The following BMPR1B variants were observed in gnomAD, a reference collection of about 807,000 sequenced individuals.
BMPR1B encodes the protein bone morphogenetic protein receptor type 1B.
BMPR1B carries 12 observed loss-of-function variants against 59.1 expected under a neutral mutation model. The observed-to-expected ratio is 0.20, with a 90% CI of 0.13 to 0.33. BMPR1B has a LOEUF of 0.33. BMPR1B is among the 10% of genes least tolerant of loss of function. The pLI is 1.00. For synonymous variants in BMPR1B, 237 were observed against 207.3 expected, an observed-to-expected ratio of 1.14 and a Z score of -1.23; for missense variants, 550 against 610.9, an observed-to-expected ratio of 0.90 and a Z score of 1.05.
At chr4:95,004,318 T>G (rs920069005) in intron 3 of BMPR1B, among the ~76,000 whole-genome samples, 1 of 152,214 alleles carries the variant, frequency 6.6e-6, no homozygotes, top group African/African-American at 2.4e-5. Flanking sequence ...TGTTGATACA[T>G]TGGTATGTCT....
intron 5 of BMPR1B, 91 bp downstream of exon 5, chr4:95,114,913 C>A (rs1731905251): frequency 3.9e-6 from 5 of 1,281,344 alleles, no homozygotes; most frequent in Non-Finnish European, 5.7e-6. Flanking sequence ...TCTTGGCCAG[C>A]CCATTTTTAG....
At chr4:94,933,833 G>T (rs917652205) in intron 2 of BMPR1B, among the ~76,000 whole-genome samples, 1 of 152,080 alleles carries the variant, frequency 6.6e-6, no homozygotes, top group Non-Finnish European at 1.5e-5. Context: ...ACACTTCTGG[G>T]TCAGTGATGC....
chr4:95,065,241 T>C (rs1254919298), intron 3 of BMPR1B, among the ~76,000 whole-genome samples: 2 of 152,160 alleles, frequency 1.3e-5, no homozygotes, highest in Admixed American at 6.6e-5. Flanking sequence ...AGAAACCAGA[T>C]ACAAAGACCA....
At chr4:94,857,984 C>T (rs568466700) in intron 1 of BMPR1B, among the ~76,000 whole-genome samples, 58 of 152,218 alleles carry the variant, frequency 3.8e-4, no homozygotes, top group African/African-American at 1.1e-3. Context: ...CTCGCTCTGT[C>T]GCCCAGGCTG....
intron 2 of BMPR1B, among the ~76,000 whole-genome samples, chr4:94,954,525 C>T (rs1560565679): frequency 6.6e-6 from 1 of 152,170 alleles, no homozygotes; most frequent in African/African-American, 2.4e-5. Context: ...AATGCACAAC[C>T]ACCTTTGCAG....
At chr4:94,919,141 A>G (rs1268381805) in intron 2 of BMPR1B, among the ~76,000 whole-genome samples, 1 of 152,092 alleles carries the variant, frequency 6.6e-6, no homozygotes, top group Admixed American at 6.6e-5. Context: ...CTCTTTCAAC[A>G]TGGCTGTACC....
chr4:94,946,296 T>C (rs971477028), intron 2 of BMPR1B, among the ~76,000 whole-genome samples: 1 of 152,224 alleles, frequency 6.6e-6, no homozygotes, highest in Non-Finnish European at 1.5e-5. Context: ...GTATTCGTTT[T>C]TCTTTCTTAA....
chr4:94,830,696 A>G (rs972494052), intron 1 of BMPR1B, among the ~76,000 whole-genome samples: 1 of 152,242 alleles, frequency 6.6e-6, no homozygotes, highest in Non-Finnish European at 1.5e-5. Flanking sequence ...GTCATGTGCA[A>G]TATAATGACG....
At chr4:94,909,423 C>T (rs548184541) in intron 2 of BMPR1B, among the ~76,000 whole-genome samples, 3 of 151,810 alleles carry the variant, frequency 2.0e-5, no homozygotes, top group East Asian at 3.9e-4. Context: ...GGTATGTGGC[C>T]GTGGGTAAGG....
chr4:95,152,902 CA>C (rs1201879573), intron 12 of BMPR1B, 129 bp downstream of exon 12: 1 of 1,183,974 alleles, frequency 8.4e-7, no homozygotes, highest in Non-Finnish European at 1.2e-6. Flanking sequence ...CGCCTCATTG[CA>C]GTAATTTATA....
chr4:94,863,811 A>T lies in BMPR1B; in HGVS notation c.-182-12020A>T, dbSNP rs1017252032. On this transcript the variant is annotated intron_variant, in intron 1 of 12. Transcript: ENST00000515059. The stretch of plus-strand genomic sequence containing the variant: ...CAGATATCTTTTGGTTCATCTACAC[A>T]TTTCAGAGTTGCTCCTGTGGTGCAT... Among the ~76,000 whole-genome samples the T allele has an allele frequency of 2.6e-5, 4 of 152,350 alleles. No individual in the cohort carries two copies. The South Asian group carries it at 8.3e-4, about 32-fold the overall frequency.
intron 2 of BMPR1B, among the ~76,000 whole-genome samples, chr4:94,950,416 G>T (rs985611418): frequency 2.0e-5 from 3 of 152,074 alleles, no homozygotes; most frequent in African/African-American, 7.2e-5. Context: ...GGTTTTTATG[G>T]TTTTAGGTCT....
intron 1 of BMPR1B, among the ~76,000 whole-genome samples, chr4:94,761,415 C>CTGTGTGTGTGTGTGTGTGTG (rs57447983): frequency 7.1e-6 from 1 of 141,208 alleles, no homozygotes; most frequent in Non-Finnish European, 1.5e-5. Context: ...CTGTATAATT[C>CTGTGTGTGTGTGTGTGTGTG]TGTGTGTGTG....
At chr4:94,978,636 C>T (rs1731117255) in intron 2 of BMPR1B, among the ~76,000 whole-genome samples, 1 of 152,130 alleles carries the variant, frequency 6.6e-6, no homozygotes, top group Admixed American at 6.5e-5. Flanking sequence ...TATAATATCA[C>T]ATTTGTCATA....
chr4:94,866,617 G>A (rs560426755), intron 1 of BMPR1B, among the ~76,000 whole-genome samples: 46 of 152,038 alleles, frequency 3.0e-4, no homozygotes, highest in Admixed American at 5.2e-4. Flanking sequence ...TCGGAGTCTC[G>A]CTGTGTCGCC....
chr4:94,780,069 TTAA>T (rs1366456251), intron 1 of BMPR1B, among the ~76,000 whole-genome samples: 6 of 152,186 alleles, frequency 3.9e-5, no homozygotes, highest in Admixed American at 3.3e-4. Flanking sequence ...TGACATGTAA[TTAA>T]TAATCTTTTT....
intron 2 of BMPR1B, among the ~76,000 whole-genome samples, chr4:94,909,962 G>T (rs1389635365): frequency 6.6e-6 from 1 of 151,798 alleles, no homozygotes; most frequent in Admixed American, 6.6e-5. Context: ...TGGCATTTTT[G>T]TTTGCCAACA....
intron 4 of BMPR1B, among the ~76,000 whole-genome samples, chr4:95,110,773 C>G (rs988167989): frequency 6.6e-6 from 1 of 152,142 alleles, no homozygotes; most frequent in African/African-American, 2.4e-5. Flanking sequence ...CAAAATGCAC[C>G]CTTGCATACT....
chr4:94,777,719 T>C (rs1234699523), intron 1 of BMPR1B, among the ~76,000 whole-genome samples: 1 of 152,144 alleles, frequency 6.6e-6, no homozygotes, highest in Non-Finnish European at 1.5e-5. Flanking sequence ...GCTCTTTTCT[T>C]ACTTTTAAAA....
Sources: allele counts gnomAD v4.1 joint callset (sites outside exome capture counted in the v4.1 genomes callset), GRCh38; gene constraint gnomAD v4.1.1; transcripts MANE v1.5; gene names NCBI Gene and HGNC (gene_info 2026-07-23, HGNC 2026-07-21).